AGAP1: variants seen among roughly 807,000 people sequenced by gnomAD.
The protein encoded by AGAP1 is ArfGAP with GTPase domain, ankyrin repeat and PH domain 1.
In AGAP1, 29 loss-of-function variants were observed where a neutral mutation model predicts 105.3. That is an observed-to-expected ratio of 0.28 (90% CI 0.21 to 0.38). The LOEUF (loss-of-function observed/expected upper bound fraction) is 0.38. AGAP1 is among the 10% of genes least tolerant of loss of function. The probability of loss-of-function intolerance (pLI) is 1.00; values close to 1 mark genes in which losing one functional copy is unlikely to be tolerated. For missense variants in AGAP1, 998 were observed against 1,165.1 expected (o/e 0.86, Z 2.09); for synonymous variants, 509 against 485.9 (o/e 1.05, Z -0.63).
At chr2:235,786,099 T>G (rs559635863) in intron 6 of AGAP1, among the ~76,000 whole-genome samples, 28 of 152,218 alleles carry the variant, frequency 1.8e-4, no homozygotes, top group Admixed American at 9.2e-4. Context: ...AAGTGACAGG[T>G]TCATCTTTCC....
At chr2:236,064,284 C>T (rs997448733) in intron 16 of AGAP1, among the ~76,000 whole-genome samples, 8 of 152,084 alleles carry the variant, frequency 5.3e-5, no homozygotes, top group African/African-American at 1.7e-4. Context: ...ATGCTAAAGC[C>T]CAGGACACTC....
At chr2:235,804,519 T>G (rs1957741395) in intron 8 of AGAP1, among the ~76,000 whole-genome samples, 3 of 152,244 alleles carry the variant, frequency 2.0e-5, no homozygotes, top group Non-Finnish European at 4.4e-5. Flanking sequence ...AGCCGTTGAC[T>G]TAGCCACTGG....
rs538364017 is a variant in AGAP1 at position 235,662,898 on chromosome 2, C to T, written c.164-46281C>T. On this transcript the variant is annotated intron_variant, in intron 1 of 17. Transcript: ENST00000304032. The surrounding 1 kb of genome is among the most constrained non-coding windows in gnomAD (Gnocchi z 4.2). ...CATCTTACTGTGTCAGATGTGATTC[C>T]GGGGACGCAGTTCTTTCTTAAGAGC... Among the ~76,000 whole-genome samples the T allele has an allele frequency of 4.6e-5, 7 of 152,242 alleles. No individual in the cohort carries two copies. In the South Asian group the frequency reaches 1.2e-3, roughly 27 times the overall value.
At chr2:235,939,372 C>T (rs2053145174) in intron 12 of AGAP1, among the ~76,000 whole-genome samples, 1 of 152,004 alleles carries the variant, frequency 6.6e-6, no homozygotes, top group African/African-American at 2.4e-5. Flanking sequence ...ATCCCTTCCA[C>T]CTCTGAACTC....
At chr2:235,841,337 T>G (rs756645882) in intron 9 of AGAP1, among the ~76,000 whole-genome samples, 4 of 152,130 alleles carry the variant, frequency 2.6e-5, no homozygotes, top group Non-Finnish European at 5.9e-5. Context: ...TGATTTAAGT[T>G]AGTAGCTTAC....
chr2:235,911,846 G>A (rs1477788163), intron 11 of AGAP1, among the ~76,000 whole-genome samples: 1 of 152,234 alleles, frequency 6.6e-6, no homozygotes, highest in Admixed American at 6.5e-5. Flanking sequence ...ACAGGGGCCT[G>A]GCTGACTTTC....
chr2:235,767,777 CTTTTTTTTTTTTTTT>C (rs71414307), intron 6 of AGAP1, among the ~76,000 whole-genome samples: 8 of 62,046 alleles, frequency 1.3e-4, no homozygotes, highest in South Asian at 9.2e-4. Flanking sequence ...AGTTTCTTGT[CTTTTTTTTTTTTTTT>C]TTTTTTTTTT....
chr2:235,611,433 A>G lies in AGAP1; in HGVS notation c.164-97746A>G, dbSNP rs932171833. ...TCATAATGAATAGTTATTGTGAAGG[A>G]GCTGATTTTTGGAGGAGTGGTTTGT... On this transcript the variant is annotated intron_variant, in intron 1 of 17. Transcript: ENST00000304032. The surrounding 1 kb of genome is among the most constrained non-coding windows in gnomAD (Gnocchi z 5.0). Among the ~76,000 whole-genome samples the G allele has an allele frequency of 6.6e-6, 1 of 152,182 alleles. No individual in the cohort carries two copies. The highest frequency in any genetic ancestry group is 1.5e-5 in the Non-Finnish European group (1 of 68,030).
At chr2:235,762,911 G>A (rs780349047) in intron 6 of AGAP1, among the ~76,000 whole-genome samples, 24 of 152,122 alleles carry the variant, frequency 1.6e-4, no homozygotes, top group Non-Finnish European at 3.2e-4. Context: ...AAAACCTTCA[G>A]TGAGTACGTT....
intron 12 of AGAP1, among the ~76,000 whole-genome samples, chr2:235,946,833 G>C (rs1228677070): frequency 1.2e-4 from 18 of 152,126 alleles, no homozygotes; most frequent in Admixed American, 9.2e-4. Context: ...TGCCACCCCA[G>C]TGCCTTTTCA....
rs2149532309 is a variant in AGAP1 at position 235,714,437 on chromosome 2, G to A, written c.223-3120G>A. Reference sequence around the variant, plus strand: ...GAGGTGACATCTGAACTGATAGTAAGAGTAGGTTTCGGGGAATGATTGATA... The same window carrying A: ...GAGGTGACATCTGAACTGATAGTAAAAGTAGGTTTCGGGGAATGATTGATA... On this transcript the variant is annotated intron_variant, in intron 2 of 17. Coordinates refer to ENST00000304032, the MANE Select transcript of AGAP1 (RefSeq NM_001037131.3). This position sits in a 1 kb window ranked among gnomAD's most constrained non-coding sequence, Gnocchi z 4.1. Among the ~76,000 whole-genome samples, 1 of 152,118 alleles carries A rather than the reference G, an allele frequency of 6.6e-6. No homozygotes were observed. Among genetic ancestry groups the A allele is most frequent in the Admixed American group, 6.5e-5 (1 of 15,288 alleles).
intron 1 of AGAP1, among the ~76,000 whole-genome samples, chr2:235,603,653 A>G (rs1002922117): frequency 1.3e-5 from 2 of 152,228 alleles, no homozygotes; most frequent in Non-Finnish European, 2.9e-5. Context: ...CAGTAAAATT[A>G]TGTTCAGTGC....
rs562928832 is a variant in AGAP1, at chr2:235,857,351, G to A, written c.1051-25994G>A. Among the ~76,000 whole-genome samples the A allele has an allele frequency of 1.2e-3, 177 of 152,220 alleles. 1 individual carries two copies. Among genetic ancestry groups the A allele is most frequent in the African/African-American group, 3.9e-3 (160 of 41,524 alleles). ...TGAAAACCATCCCTCCTCCCTATCC[G>A]TGGAAAAATTGTCTTCCAGGAAACT... On this transcript the variant is annotated intron_variant, in intron 9 of 17. Transcript: ENST00000304032.
rs900717448 is a variant in AGAP1, at chr2:236,051,559, G to T, written c.2114+2278G>T. The stretch of plus-strand genomic sequence containing the variant: ...GGTGGATGCAGGCTCGGCCGGGCCT[G>T]TGGGGAGGTGTGCCTGTCGGCGAGT... On this transcript the variant is annotated intron_variant, in intron 16 of 17. Coordinates refer to ENST00000304032, the MANE Select transcript of AGAP1 (RefSeq NM_001037131.3). The surrounding 1 kb of genome is among the most constrained non-coding windows in gnomAD (Gnocchi z 5.9). Among the ~76,000 whole-genome samples the T allele has an allele frequency of 1.3e-5, 2 of 152,204 alleles. No homozygotes were observed. Among genetic ancestry groups the T allele is most frequent in the Non-Finnish European group, 2.9e-5 (2 of 68,040 alleles).
rs2059938647 is a variant in AGAP1, at chr2:236,123,070, G to A, written c.2371-849G>A. Among the ~76,000 whole-genome samples, 1 of 151,676 alleles carries A rather than the reference G, an allele frequency of 6.6e-6. No individual in the cohort carries two copies. The highest frequency in any genetic ancestry group is 2.4e-5 in the African/African-American group (1 of 41,236). ...GTGGAATACTGTATGACTTGCATAT[G>A]TCATGCTTTTTGAGGGGTGGGGAGA... On this transcript the variant is annotated intron_variant, in intron 17 of 17. Coordinates refer to ENST00000304032, the MANE Select transcript of AGAP1 (RefSeq NM_001037131.3). The surrounding 1 kb of genome is among the most constrained non-coding windows in gnomAD (Gnocchi z 4.6).
At position 235,960,873 on chromosome 2, in the gene AGAP1, T is replaced by C. The variant is rs1298397304; in HGVS notation, c.1484-7589T>C. Among the ~76,000 whole-genome samples, 3 of 152,182 alleles carry C rather than the reference T, an allele frequency of 2.0e-5. No homozygotes were observed. Among genetic ancestry groups the C allele is most frequent in the Admixed American group, 1.3e-4 (2 of 15,278 alleles). ...TAGATTCCAAATGGTTGGAAACTCA[T>C]AGGACAGTGGTTTGGCACAAAAGCG... On this transcript the variant is annotated intron_variant, in intron 12 of 17. Coordinates refer to ENST00000304032, the MANE Select transcript of AGAP1 (RefSeq NM_001037131.3). This position sits in a 1 kb window ranked among gnomAD's most constrained non-coding sequence, Gnocchi z 4.9.
At chr2:235,674,975 G>T (rs1383918514) in intron 1 of AGAP1, among the ~76,000 whole-genome samples, 6 of 151,242 alleles carry the variant, frequency 4.0e-5, no homozygotes, top group Non-Finnish European at 1.5e-5. Context: ...CACACCTGTG[G>T]TTTTTTTATT....
rs185014090 is a variant in AGAP1, at chr2:235,720,986, C to A, written c.310+3342C>A. Among the ~76,000 whole-genome samples, 5 of 152,244 alleles carry A rather than the reference C, an allele frequency of 3.3e-5. No homozygotes were observed. In the East Asian group the frequency reaches 7.7e-4, roughly 24 times the overall value. On this transcript the variant is annotated intron_variant, in intron 3 of 17. Transcript: ENST00000304032. The surrounding 1 kb of genome is among the most constrained non-coding windows in gnomAD (Gnocchi z 5.0). The stretch of plus-strand genomic sequence containing the variant: ...TCTTGTAGTGAAGAGAGCCAACTCA[C>A]AAGATTTAGATTATTTTATTTTATT...
intron 6 of AGAP1, among the ~76,000 whole-genome samples, chr2:235,755,433 C>T (rs1219278068): frequency 1.3e-5 from 2 of 152,134 alleles, no homozygotes; most frequent in Non-Finnish European, 2.9e-5. Flanking sequence ...TCTGGTCCTA[C>T]GATCCCTCCC....
Sources: gnomAD v4.1 joint callset for allele counts (sites outside exome capture counted in the v4.1 genomes callset) on GRCh38, gnomAD v4.1.1 for gene constraint, Gnocchi (gnomAD v3.1) non-coding constraint, MANE v1.5 for transcripts, NCBI Gene and HGNC (gene_info 2026-07-23, HGNC 2026-07-21) for gene names.